The following ARV1 variants were observed in gnomAD, a reference collection of about 807,000 sequenced individuals.
The protein encoded by ARV1 is ARV1 fatty acid homeostasis modulator, also known as protein ARV1.
A neutral mutation model predicts 31.1 loss-of-function variants in ARV1; 26 were observed. That is an observed-to-expected ratio of 0.84 (90% CI 0.61 to 1.16). ARV1 has a LOEUF of 1.16. Among genes scored for constraint, ARV1 ranks in the 50% most tolerant of loss-of-function variants. ARV1 has a pLI of 0.00. For synonymous variants in ARV1, 117 were observed against 123.2 expected (o/e 0.95, Z 0.34); for missense variants, 281 against 324.9 (o/e 0.86, Z 1.04).
At position 230,984,363 on chromosome 1, in the gene ARV1, C is replaced by CGCGTGCGTGTGT. The variant is rs1191353620; in HGVS notation, c.175-3956_175-3955insCGTGCGTGTGTG. Among the ~76,000 whole-genome samples, 48 of 129,838 alleles carry CGCGTGCGTGTGT rather than the reference C, an allele frequency of 3.7e-4. 1 individual carries two copies. The highest frequency in any genetic ancestry group is 1.0e-3 in the Admixed American group (13 of 12,676). 85.2% of individuals were successfully genotyped at this position (129,838 alleles called of 152,430 possible). A position where few individuals can be genotyped will look rare whatever the true frequency, so the allele number is the denominator to read the frequency against. ...TGTTTCGTGTGTGTGTGTGTGTGTG[C>CGCGTGCGTGTGT]GTGTGTGTGTGTGTGTGTGTGTGTG... On this transcript the variant is annotated intron_variant, in intron 1 of 5. Transcript: ENST00000310256.
In ARV1 at chr1:230,986,668, ATTTTTTTTTTTTTTT is replaced by A. The variant is rs1162209283; in HGVS notation, c.175-1628_175-1614del. Among the ~76,000 whole-genome samples the A allele has an allele frequency of 8.2e-3, 514 of 62,328 alleles. 8 individuals are homozygous for A. The highest frequency in any genetic ancestry group is 0.026 in the African/African-American group (457 of 17,786). 40.9% of individuals were successfully genotyped at this position (62,328 alleles called of 152,430 possible). ...CACCCACAAATGTAATACTTTTCCT[ATTTTTTTTTTTTTTT>A]TTTTTTTTTTTTTTTTTTTTTTTGA... On this transcript the variant is annotated intron_variant, in intron 1 of 5. Transcript: ENST00000310256.
intron 1 of ARV1, among the ~76,000 whole-genome samples, chr1:230,984,277 T>C (rs1479623883): frequency 2.0e-5 from 3 of 151,434 alleles, no homozygotes; most frequent in Non-Finnish European, 4.4e-5. Context: ...AAAAGAAACA[T>C]ATATACTAAA....
At chr1:230,989,828 C>G (rs1317756270) in intron 2 of ARV1, among the ~76,000 whole-genome samples, 2 of 152,158 alleles carry the variant, frequency 1.3e-5, no homozygotes, top group Non-Finnish European at 2.9e-5. Flanking sequence ...AGAATCCCCC[C>G]AGAACTGTTT....
At chr1:230,986,989 G>T (rs576392546) in intron 1 of ARV1, among the ~76,000 whole-genome samples, 6 of 152,196 alleles carry the variant, frequency 3.9e-5, no homozygotes, top group Admixed American at 2.6e-4. Context: ...CATAAGATTG[G>T]TTTTTTCCTT....
intron 3 of ARV1, among the ~76,000 whole-genome samples, chr1:230,994,376 T>C (rs147550911): frequency 1.3e-5 from 2 of 152,328 alleles, no homozygotes; most frequent in East Asian, 3.9e-4. Flanking sequence ...CTTTCACTAT[T>C]TATTCATTCA....
intron 1 of ARV1, among the ~76,000 whole-genome samples, chr1:230,979,922 A>G (rs1678803585): frequency 6.6e-6 from 1 of 152,162 alleles, no homozygotes; most frequent in Non-Finnish European, 1.5e-5. Context: ...AGAGAGAATA[A>G]TCTTATGTTT....
intron 2 of ARV1, among the ~76,000 whole-genome samples, chr1:230,989,222 T>C (rs1572338950): frequency 1.3e-5 from 2 of 152,262 alleles, no homozygotes; most frequent in East Asian, 3.9e-4. Flanking sequence ...CACTGCAGCC[T>C]CTACCTCCTG....
chr1:230,985,582 C>T lies in ARV1; in HGVS notation c.175-2738C>T, dbSNP rs574046417. ...CTGTGTCTCCTGGTGCTGGTTTCTG[C>T]CTACCTCCTTCCAAGTATTGTCCAG... On this transcript the variant is annotated intron_variant, in intron 1 of 5. Coordinates refer to ENST00000310256, the MANE Select transcript of ARV1 (RefSeq NM_022786.3). 1.3e-3 allele frequency among the ~76,000 whole-genome samples: 200 copies of T among 152,278 alleles called. 1 individual carries two copies. The Middle Eastern group carries it at 0.024, about 18-fold the overall frequency.
intron 1 of ARV1, among the ~76,000 whole-genome samples, chr1:230,981,061 G>A (rs1028039020): frequency 1.3e-5 from 2 of 152,114 alleles, no homozygotes; most frequent in Admixed American, 6.5e-5. Flanking sequence ...TGCTGTGTGC[G>A]CTTCCCAGGA....
intron 5 of ARV1, among the ~76,000 whole-genome samples, chr1:230,998,582 C>T (rs1010006536): frequency 6.6e-6 from 1 of 152,086 alleles, no homozygotes; most frequent in Non-Finnish European, 1.5e-5. Context: ...CATACTTTCA[C>T]CCAGAGTCTC....
At position 230,979,157 on chromosome 1, in the gene ARV1, G is replaced by T. The variant is rs148749941; in HGVS notation, c.52G>T (p.Gly18Trp). Reference sequence around the variant, plus strand: ...GCAGCAGGGGAAGGGGAACGTGGATGGGGTGGCAGCGACTCCTACTGCTGC... The same window carrying T: ...GCAGCAGGGGAAGGGGAACGTGGATTGGGTGGCAGCGACTCCTACTGCTGC... ...GLQQGKGNVD[G>W]VAATPTAASA... Residue 18 changes from glycine to tryptophan, a missense_variant, in exon 1 of 6, where the codon GGG becomes TGG. Transcript: ENST00000310256. 1 of 1,612,844 alleles carries T rather than the reference G, an allele frequency of 6.2e-7. No homozygotes were observed. The highest frequency in any genetic ancestry group is 1.1e-5 in the South Asian group (1 of 90,962).
chr1:230,997,198 T>G lies in ARV1; in HGVS notation c.751T>G (p.Phe251Val). The G allele has an allele frequency of 6.2e-7, 1 of 1,613,698 alleles. No individual in the cohort carries two copies. The highest frequency in any genetic ancestry group is 1.1e-5 in the South Asian group (1 of 91,074). ...ACTGCTGGAAAGCATCATGGTCTAC[T>G]TCTTCCAGAGTATGGAATGGGATGT... ...GLLLESIMVY[F>V]FQSMEWDVGS... Residue 251 changes from phenylalanine (F) to valine (V), a missense_variant, in exon 5 of 6, where the codon TTC becomes GTC. Physicochemically the swap from Phe to Val is conservative, Grantham distance 50. Coordinates refer to ENST00000310256, the MANE Select transcript of ARV1 (RefSeq NM_022786.3).
chr1:230,990,384 T>C, intron 3 of ARV1, 121 bp downstream of exon 3: 2 of 1,333,012 alleles, frequency 1.5e-6, no homozygotes, highest in South Asian at 2.6e-5. Flanking sequence ...GGACTTAAGA[T>C]GAAATTTTCA....
At position 230,980,673 on chromosome 1, in the gene ARV1, T is replaced by C. The variant is rs1678870837; in HGVS notation, c.174+1394T>C. Among the ~76,000 whole-genome samples, 4 of 151,748 alleles carry C rather than the reference T, an allele frequency of 2.6e-5. No homozygotes were observed. The South Asian group carries it at 8.3e-4, about 32-fold the overall frequency. ...CAGGTTTGCAACAACATAAACCCAA[T>C]ACTAGCATTTGTTATTTCTTTACTG... On this transcript the variant is annotated intron_variant, in intron 1 of 5. Coordinates refer to ENST00000310256, the MANE Select transcript of ARV1 (RefSeq NM_022786.3).
chr1:230,982,294 C>G (rs183220712), intron 1 of ARV1, among the ~76,000 whole-genome samples: 2 of 152,246 alleles, frequency 1.3e-5, no homozygotes, highest in African/African-American at 4.8e-5. Flanking sequence ...TGGACTGGTC[C>G]AATTAAATGG....
At chr1:230,996,969 G>T in intron 4 of ARV1, 152 bp from the exon 5 acceptor site, 1 of 878,522 alleles carries the variant, frequency 1.1e-6, no homozygotes, top group Non-Finnish European at 1.7e-6. Flanking sequence ...TGTGTAGATG[G>T]AAAAGTGGGA....
At chr1:230,991,228 ACTTTAGTAATAC>A (rs1679218924) in intron 3 of ARV1, among the ~76,000 whole-genome samples, 1 of 152,132 alleles carries the variant, frequency 6.6e-6, no homozygotes, top group Admixed American at 6.5e-5. Flanking sequence ...ATGAAATCTT[ACTTTAGTAATAC>A]TAAGTCTCCA....
rs1572335503 is a variant in ARV1, at chr1:230,984,355, T to TGTGC, written c.175-3962_175-3961insCGTG. ...CATTTGTTTGTTTCGTGTGTGTGTG[T>TGTGC]GTGTGTGCGTGTGTGTGTGTGTGTG... On this transcript the variant is annotated intron_variant, in intron 1 of 5. Transcript: ENST00000310256. Among the ~76,000 whole-genome samples the TGTGC allele has an allele frequency of 6.0e-5, 4 of 66,250 alleles. No individual in the cohort carries two copies. In the East Asian group the frequency reaches 2.1e-3, roughly 35 times the overall value. 43.5% of individuals were successfully genotyped at this position (66,250 alleles called of 152,430 possible). A position where few individuals can be genotyped will look rare whatever the true frequency, so the allele number is the denominator to read the frequency against.
intron 1 of ARV1, chr1:230,979,492 G>A (rs1678763380): frequency 3.6e-6 from 2 of 553,358 alleles, no homozygotes; most frequent in Admixed American, 4.1e-5. Context: ...GACCTAAGCC[G>A]GCGAACGGAC....
Sources: allele counts gnomAD v4.1 joint callset (sites outside exome capture counted in the v4.1 genomes callset), GRCh38; gene constraint gnomAD v4.1.1; transcripts MANE v1.5; gene names NCBI Gene and HGNC (gene_info 2026-07-23, HGNC 2026-07-21).